Variants in PRPF3 observed in about 807,000 individuals in gnomAD.
PRPF3 encodes pre-mRNA processing factor 3.
A neutral mutation model predicts 89.2 loss-of-function variants in PRPF3; 3 were observed. The observed-to-expected ratio is 0.03, with a 90% CI of 0.02 to 0.09. The LOEUF (loss-of-function observed/expected upper bound fraction) is 0.09. Ranked by LOEUF, PRPF3 falls within the 10% of genes least tolerant of loss-of-function variation. The pLI, the probability that PRPF3 is intolerant of heterozygous loss-of-function variation, is 1.00. For missense variants in PRPF3, 463 were observed against 828.8 expected (o/e 0.56, Z 5.42); for synonymous variants, 270 against 289.1 (o/e 0.93, Z 0.67).
chr1:150,338,464 AAG>A, intron 8 of PRPF3, 138 bp downstream of exon 8: 1 of 852,528 alleles, frequency 1.2e-6, no homozygotes, highest in Non-Finnish European at 1.8e-6. Flanking sequence ...TTTTAAATCC[AAG>A]AGAGATAAGT....
intron 4 of PRPF3, chr1:150,330,503 G>C (rs1037384856): frequency 2.6e-5 from 4 of 151,718 alleles, no homozygotes; most frequent in African/African-American, 9.7e-5. Flanking sequence ...CTACAGGTAT[G>C]TACCACCATG....
At chr1:150,342,690 T>C (rs1190410478) in intron 9 of PRPF3, among the ~76,000 whole-genome samples, 1 of 151,904 alleles carries the variant, frequency 6.6e-6, no homozygotes, top group Non-Finnish European at 1.5e-5. Context: ...GCCCAGCTAA[T>C]TTTTGTATTT....
rs1657298060 is a variant in PRPF3 at position 150,338,503 on chromosome 1, T to TA, written c.1202+177_1202+178insA. Among the ~76,000 whole-genome samples the TA allele has an allele frequency of 2.7e-5, 4 of 149,978 alleles. No individual in the cohort carries two copies. In the South Asian group the frequency reaches 8.4e-4, roughly 32 times the overall value. ...ACTGTACACAAGGTCCTGTTATTTTTTTTTTTTTTTTTTTTGAGAGGGAGT... is the reference window on the plus strand; with the variant it reads ...ACTGTACACAAGGTCCTGTTATTTTTATTTTTTTTTTTTTTTGAGAGGGAGT... On this transcript the variant is annotated intron_variant, in intron 8 of 15. Coordinates refer to ENST00000324862, the MANE Select transcript of PRPF3 (RefSeq NM_004698.4).
intron 12 of PRPF3, chr1:150,345,696 C>G (rs1189268708): frequency 2.7e-6 from 1 of 365,750 alleles, no homozygotes; most frequent in Non-Finnish European, 5.3e-6. Context: ...GACAAAAAGT[C>G]TGTAGGTCTT....
chr1:150,327,489 T>C, intron 3 of PRPF3: 1 of 783,724 alleles, frequency 1.3e-6, no homozygotes. Context: ...ACGGGTCCCA[T>C]TTTTGGTCCA....
chr1:150,324,890 T>TTTTAGGTG lies in PRPF3; in HGVS notation c.-48-3_-48-2insTAGGTGTT. 6.3e-7 allele frequency: 1 copy of TTTTAGGTG among 1,579,690 alleles called. No individual in the cohort carries two copies. The highest frequency in any genetic ancestry group is 1.8e-5 in the Admixed American group (1 of 54,726). On this transcript the variant is annotated splice_region_variant and splice_polypyrimidine_tract_variant and intron_variant, in intron 1 of 15. Transcript: ENST00000324862. ...TTCTCTAACTTGTCTCTTTTTTTTT[T>TTTTAGGTG]TTAGGTGTAGTATTGAGTCCTGTTT...
intron 8 of PRPF3, among the ~76,000 whole-genome samples, chr1:150,340,111 T>C (rs147248822): frequency 1.4e-3 from 206 of 152,262 alleles, no homozygotes; most frequent in African/African-American, 4.7e-3. Context: ...CAGGGACTTA[T>C]TGTCACTAAT....
chr1:150,336,585 GTC>G (rs1215768250), intron 7 of PRPF3, among the ~76,000 whole-genome samples: 3 of 151,960 alleles, frequency 2.0e-5, no homozygotes, highest in African/African-American at 7.3e-5. Context: ...GTGAAACCCC[GTC>G]TCTACTAAAA....
rs976981275 is a variant in PRPF3 at position 150,337,978 on chromosome 1, G to A, written c.1036-182G>A. Among the ~76,000 whole-genome samples, 4 of 151,356 alleles carry A rather than the reference G, an allele frequency of 2.6e-5. No homozygotes were observed. The South Asian group carries it at 8.4e-4, about 32-fold the overall frequency. On this transcript the variant is annotated intron_variant, in intron 7 of 15. Transcript: ENST00000324862. ...AATCCCAGCTACTGAGGAGGCTTAGGCAGGAGAATCGCTTAAACCTGGAAG... is the reference window on the plus strand; with the variant it reads ...AATCCCAGCTACTGAGGAGGCTTAGACAGGAGAATCGCTTAAACCTGGAAG...
At chr1:150,336,121 A>G (rs1656966737) in intron 7 of PRPF3, among the ~76,000 whole-genome samples, 1 of 152,162 alleles carries the variant, frequency 6.6e-6, no homozygotes, top group African/African-American at 2.4e-5. Context: ...ATAACTCACC[A>G]TAATATAAAA....
chr1:150,345,608 C>G, intron 12 of PRPF3: 1 of 246,700 alleles, frequency 4.1e-6, no homozygotes, highest in Non-Finnish European at 8.0e-6. Flanking sequence ...TTTGGCCTCC[C>G]AAAGTGCTGG....
At chr1:150,330,726 T>TC (rs1656260296) in intron 4 of PRPF3, among the ~76,000 whole-genome samples, 1 of 149,468 alleles carries the variant, frequency 6.7e-6, no homozygotes, top group African/African-American at 2.5e-5. Flanking sequence ...TTCTTTCTTT[T>TC]TTTTTTTTGA....
At chr1:150,326,572 C>T (rs1281952527) in intron 3 of PRPF3, among the ~76,000 whole-genome samples, 1 of 152,018 alleles carries the variant, frequency 6.6e-6, no homozygotes, top group East Asian at 1.9e-4. Flanking sequence ...TTCTGTGACT[C>T]CTATCAAACC....
intron 3 of PRPF3, chr1:150,327,519 C>G (rs1278138031): frequency 1.0e-6 from 1 of 964,672 alleles, no homozygotes; most frequent in Non-Finnish European, 1.2e-6. Context: ...CCACCCCACA[C>G]AATATATTAT....
chr1:150,337,275 A>G (rs587655374), intron 7 of PRPF3, among the ~76,000 whole-genome samples: 21 of 151,042 alleles, frequency 1.4e-4, no homozygotes, highest in African/African-American at 4.6e-4. Context: ...TCCTGACCTC[A>G]TGATCCTCCC....
In PRPF3 at chr1:150,334,718, T is replaced by A. The variant is rs138269621; in HGVS notation, c.729-217T>A. On this transcript the variant is annotated intron_variant, in intron 6 of 15. Coordinates refer to ENST00000324862, the MANE Select transcript of PRPF3 (RefSeq NM_004698.4). Reference sequence around the variant, plus strand: ...CTGAGTAGGTGGGACCACAGGTATATGCCACCGCACCCAGCTAATTTTAAA... The same window carrying A: ...CTGAGTAGGTGGGACCACAGGTATAAGCCACCGCACCCAGCTAATTTTAAA... Among the ~76,000 whole-genome samples the A allele has an allele frequency of 5.4e-3, 814 of 152,018 alleles. 3 individuals carry two copies. The highest frequency in any genetic ancestry group is 0.017 in the Middle Eastern group (5 of 294).
intron 8 of PRPF3, 22 bp downstream of exon 8, chr1:150,338,348 T>G: frequency 6.2e-7 from 1 of 1,611,340 alleles, no homozygotes; most frequent in Non-Finnish European, 8.5e-7. Flanking sequence ...TTAGTACCTT[T>G]TTAAAAAAAC....
At chr1:150,338,980 T>G (rs1473615607) in intron 8 of PRPF3, among the ~76,000 whole-genome samples, 2 of 152,178 alleles carry the variant, frequency 1.3e-5, no homozygotes, top group Non-Finnish European at 2.9e-5. Flanking sequence ...TTAATTACAT[T>G]CTTTTGCTAC....
rs782508157 is a variant in PRPF3 at position 150,328,387 on chromosome 1, G to A, written c.344G>A (p.Arg115His). The A allele has an allele frequency of 1.2e-6, 2 of 1,613,946 alleles. No homozygotes were observed. Among genetic ancestry groups the A allele is most frequent in the Non-Finnish European group, 8.5e-7 (1 of 1,179,992 alleles). The change falls in exon 4 of 16, where the codon CGT becomes CAT. Residue 115 changes from arginine (R) to histidine (H), a missense_variant. By Grantham distance (29) the Arg-to-His change is conservative. Around this residue, in one of 8 missense-constraint regions of PRPF3, gnomAD observed 28 missense variants for 48.1 expected, o/e 0.58. Coordinates refer to ENST00000324862, the MANE Select transcript of PRPF3 (RefSeq NM_004698.4). ...SSGVKKRRIP[R>H]FEEVEEEPEV... ...GGAGTAAAGAAGCGACGAATACCCC[G>A]TTTTGAGGAGGTGGAAGAAGAGCCA...
Sources: gnomAD v4.1 joint callset for allele counts (sites outside exome capture counted in the v4.1 genomes callset) on GRCh38, gnomAD v4.1.1 for gene constraint, gnomAD v4.1.1 regional missense constraint, MANE v1.5 for transcripts, NCBI Gene and HGNC (gene_info 2026-07-23, HGNC 2026-07-21) for gene names.